The following GOLGA8S variants were observed in gnomAD, a reference collection of about 807,000 sequenced individuals.
The protein encoded by GOLGA8S is golgin A8 family member S.
GOLGA8S carries 23 observed loss-of-function variants against 58.9 expected under a neutral mutation model. The ratio of observed to expected loss-of-function variants is 0.39; its 90% CI spans 0.28 to 0.55. GOLGA8S has a LOEUF of 0.55. Among genes scored for constraint, GOLGA8S ranks in the 20% least tolerant of loss-of-function variants. The probability of loss-of-function intolerance (pLI) is 0.63; values close to 1 mark genes in which losing one functional copy is unlikely to be tolerated. For synonymous variants in GOLGA8S, 84 were observed against 195.7 expected (o/e 0.43, Z 4.76); for missense variants, 266 against 514.2 (o/e 0.52, Z 4.67).
intron 11 of GOLGA8S, 44 bp downstream of exon 11, chr15:23,360,859 AG>A (rs2069776997): frequency 9.1e-7 from 1 of 1,101,144 alleles, no homozygotes; most frequent in Non-Finnish European, 1.4e-6. Flanking sequence ...CTGGCATCAG[AG>A]GGCTGTGAGG....
chr15:23,367,561 A>C (rs2069942462), downstream of GOLGA8S, among the ~76,000 whole-genome samples: 1 of 151,148 alleles, frequency 6.6e-6, no homozygotes, highest in Non-Finnish European at 1.5e-5. Flanking sequence ...TATTGACTGA[A>C]ATACCACTCT....
intron 8 of GOLGA8S, among the ~76,000 whole-genome samples, chr15:23,359,586 G>GATAATATACAT (rs2069750312): frequency 7.0e-6 from 1 of 143,234 alleles, no homozygotes; most frequent in Non-Finnish European, 1.5e-5. Flanking sequence ...TACATATTAT[G>GATAATATACAT]ATAATATACA....
At chr15:23,363,403 GC>G (rs1246763306) in intron 14 of GOLGA8S, 163 bp downstream of exon 14, 210 of 906,244 alleles carry the variant, frequency 2.3e-4, no homozygotes, top group Middle Eastern at 2.2e-3. Flanking sequence ...CCTCCTGGGA[GC>G]GGGGGGCCAC....
exon 12 of GOLGA8S, chr15:23,361,408 G>C (rs1270707622): frequency 5.2e-6 from 5 of 963,376 alleles, no homozygotes; most frequent in African/African-American, 3.2e-5. Context: ...CAGAGCAGGA[G>C]GAGAGGCTTC....
At chr15:23,366,578 A>G (rs1455369411), downstream of GOLGA8S, 3 of 152,132 alleles carry the variant, frequency 2.0e-5, no homozygotes, top group Non-Finnish European at 4.4e-5. Context: ...GTGCCTATAC[A>G]ATCACAGAGT....
intron 11 of GOLGA8S, 51 bp from the exon 12 acceptor site, chr15:23,361,170 T>G (rs1596016707): frequency 2.3e-5 from 7 of 298,622 alleles, no homozygotes; most frequent in Non-Finnish European, 3.4e-5. Context: ...TTTTCTTTTC[T>G]TTTTTTTTTT....
chr15:23,364,484 C>G, intron 16 of GOLGA8S, 41 bp downstream of exon 16: 1 of 1,605,378 alleles, frequency 6.2e-7, no homozygotes. Context: ...AGCTACAGGG[C>G]CGTCGGAGGG....
intron 16 of GOLGA8S, 23 bp downstream of exon 16, chr15:23,364,466 G>C (rs766384838): frequency 1.2e-6 from 2 of 1,604,030 alleles, no homozygotes; most frequent in East Asian, 2.2e-5. Flanking sequence ...CCAGGGCACA[G>C]CAGGGGGAGC....
downstream of GOLGA8S, among the ~76,000 whole-genome samples, chr15:23,367,664 T>C (rs2069943538): frequency 6.6e-6 from 1 of 151,830 alleles, no homozygotes; most frequent in Non-Finnish European, 1.5e-5. Flanking sequence ...GTGCATGCAG[T>C]CTTTTGCGAT....
At chr15:23,368,101 T>C (rs2069950332), downstream of GOLGA8S, among the ~76,000 whole-genome samples, 1 of 151,910 alleles carries the variant, frequency 6.6e-6, no homozygotes, top group African/African-American at 2.4e-5. Flanking sequence ...AATACTATAG[T>C]ATAAAAGAAA....
intron 13 of GOLGA8S, among the ~76,000 whole-genome samples, chr15:23,362,397 CA>C (rs1327549533): frequency 7.4e-6 from 1 of 135,616 alleles, no homozygotes; most frequent in Non-Finnish European, 1.6e-5. Context: ...CAAAACAAAA[CA>C]AAAAGACTCC....
rs1200680607 is a variant in GOLGA8S, at chr15:23,364,511, C to T, written c.1449-15C>T. On this transcript the variant is annotated splice_polypyrimidine_tract_variant and intron_variant, in intron 16 of 18. Transcript: ENST00000562295. ...GTCGGAGGGGCCCCAGCGTCTGAGC[C>T]CTGTCCTCCCGCAGGAAAATCCATC... is the stretch of plus-strand genomic sequence containing the variant. 2.5e-6 allele frequency: 4 copies of T among 1,603,750 alleles called. No individual in the cohort carries two copies. The highest frequency in any genetic ancestry group is 1.3e-5 in the African/African-American group (1 of 74,738).
rs771891507 is a variant in GOLGA8S at position 23,360,271 on chromosome 15, G to T, written c.631G>T (p.Glu211Ter). Residue 211 changes from glutamate (E) to a stop codon, truncating the protein, a stop_gained, in exon 9 of 19, where the codon GAG (glutamate) becomes TAG (stop). Transcript: ENST00000562295. LOFTEE classifies it high-confidence loss of function. The stretch of plus-strand genomic sequence containing the variant: ...TAAAGCACGTACGGAGTGGAAGTTA[G>T]AGCAGTCCATGCGGGAGCAGGCACT... The T allele has an allele frequency of 1.6e-6, 2 of 1,259,942 alleles. No individual in the cohort carries two copies. The highest frequency in any genetic ancestry group is 2.4e-5 in the South Asian group (2 of 81,874). 78.0% of individuals were successfully genotyped at this position (1,259,942 alleles called of 1,614,324 possible). A position where few individuals can be genotyped will look rare whatever the true frequency, so the allele number is the denominator to read the frequency against.
chr15:23,368,158 C>T (rs2069951135), downstream of GOLGA8S, among the ~76,000 whole-genome samples: 1 of 151,764 alleles, frequency 6.6e-6, no homozygotes, highest in South Asian at 2.1e-4. Flanking sequence ...AATTCCAGTC[C>T]AAAGCTTTAT....
exon 11 of GOLGA8S, chr15:23,360,767 C>T (rs767445345): frequency 8.0e-6 from 11 of 1,374,120 alleles, no homozygotes; most frequent in African/African-American, 4.3e-5. Flanking sequence ...TGATAAATAT[C>T]GGGTAGAGAC....
At chr15:23,365,356 C>G (rs2069902992), downstream of GOLGA8S, 1 of 627,632 alleles carries the variant, frequency 1.6e-6, no homozygotes, top group Non-Finnish European at 2.7e-6. Flanking sequence ...TAGCATTTTT[C>G]TTTTTTAATT....
chr15:23,367,688 G>C (rs1019412980), downstream of GOLGA8S, among the ~76,000 whole-genome samples: 2 of 151,646 alleles, frequency 1.3e-5, no homozygotes, highest in African/African-American at 4.8e-5. Context: ...TCATTCAGCC[G>C]AGTATTTGTG....
At chr15:23,361,279 G>C in exon 12 of GOLGA8S, 1 of 1,473,320 alleles carries the variant, frequency 6.8e-7, no homozygotes, top group East Asian at 2.3e-5. Flanking sequence ...TGCAGCACCT[G>C]AGGAAGGAAC....
downstream of GOLGA8S, chr15:23,366,731 T>G (rs1304673839): frequency 6.6e-6 from 1 of 151,152 alleles, no homozygotes; most frequent in Non-Finnish European, 1.5e-5. Flanking sequence ...ATTGCCTAAA[T>G]CGTAACTTGA....
Sources: gnomAD v4.1 joint callset for allele counts (sites outside exome capture counted in the v4.1 genomes callset) on GRCh38, gnomAD v4.1.1 for gene constraint, MANE v1.5 for transcripts, NCBI Gene and HGNC (gene_info 2026-07-23, HGNC 2026-07-21) for gene names.